Variants in CCDC102B observed in about 807,000 individuals in gnomAD.
CCDC102B encodes the protein coiled-coil domain-containing protein 102B.
A neutral mutation model predicts 57.4 loss-of-function variants in CCDC102B; 75 were observed. The observed-to-expected ratio is 1.31, with a 90% CI of 1.08 to 1.58. The LOEUF (loss-of-function observed/expected upper bound fraction) is 1.58. Among genes scored for constraint, CCDC102B ranks in the 40% most tolerant of loss-of-function variants. The probability of loss-of-function intolerance (pLI) is 0.00; values close to 1 mark genes in which losing one functional copy is unlikely to be tolerated. For missense variants in CCDC102B, 636 were observed against 582.6 expected (o/e 1.09, Z -0.94); for synonymous variants, 206 against 201.9 (o/e 1.02, Z -0.17).
At chr18:68,873,836 CAATACAACAAAACAT>C (rs2039328762) in intron 4 of CCDC102B, among the ~76,000 whole-genome samples, 1 of 97,588 alleles carries the variant, frequency 1.0e-5, no homozygotes, top group South Asian at 3.8e-4. Context: ...AAATATATGT[CAATACAACAAAACAT>C]AGCTTAAAAT....
chr18:68,805,275 A>T (rs568421459), intron 1 of CCDC102B, among the ~76,000 whole-genome samples: 3 of 152,228 alleles, frequency 2.0e-5, no homozygotes, highest in Non-Finnish European at 4.4e-5. Flanking sequence ...TGATTTAATC[A>T]GGGAAAAATA....
At chr18:68,986,442 A>G (rs1156940659) in intron 6 of CCDC102B, among the ~76,000 whole-genome samples, 2 of 152,220 alleles carry the variant, frequency 1.3e-5, no homozygotes, top group African/African-American at 4.8e-5. Flanking sequence ...AGAATCCAAC[A>G]TCCTTTCATG....
chr18:68,759,700 G>A (rs1236011757), intron 2 of CCDC102B, among the ~76,000 whole-genome samples: 1 of 152,046 alleles, frequency 6.6e-6, no homozygotes, highest in Non-Finnish European at 1.5e-5. Flanking sequence ...TCTATCGAAT[G>A]TAGATTTTTG....
intron 1 of CCDC102B, among the ~76,000 whole-genome samples, chr18:68,832,749 G>A (rs1378425313): frequency 1.4e-5 from 2 of 145,474 alleles, no homozygotes; most frequent in African/African-American, 5.1e-5. Context: ...CTACCTGAAG[G>A]ATGAGAAGCC....
intron 5 of CCDC102B, among the ~76,000 whole-genome samples, chr18:68,890,023 T>C (rs1273841053): frequency 1.3e-5 from 2 of 152,178 alleles, no homozygotes; most frequent in African/African-American, 4.8e-5. Context: ...ACTGGAGATA[T>C]TAGGATGCTG....
At chr18:68,798,011 C>T (rs2035692705), upstream of CCDC102B, 1 of 152,042 alleles carries the variant, frequency 6.6e-6, no homozygotes, top group African/African-American at 2.4e-5. Flanking sequence ...AATAAAACTT[C>T]ACAACCAATG....
intron 4 of CCDC102B, among the ~76,000 whole-genome samples, chr18:68,855,110 G>C (rs1424279986): frequency 6.6e-6 from 1 of 152,150 alleles, no homozygotes; most frequent in African/African-American, 2.4e-5. Flanking sequence ...ATAAGAAACA[G>C]TGTTTCCAAG....
intron 2 of CCDC102B, among the ~76,000 whole-genome samples, chr18:68,752,670 A>G (rs973107485): frequency 1.3e-4 from 20 of 152,180 alleles, no homozygotes; most frequent in African/African-American, 3.9e-4. Context: ...TTATGATTAT[A>G]AGATTTATTC....
At chr18:68,822,374 A>G (rs2036724843) in intron 1 of CCDC102B, among the ~76,000 whole-genome samples, 1 of 150,460 alleles carries the variant, frequency 6.6e-6, no homozygotes, top group South Asian at 2.1e-4. Flanking sequence ...AGCCTGGGCA[A>G]CATAGCGAGA....
intron 4 of CCDC102B, among the ~76,000 whole-genome samples, chr18:68,864,874 T>C (rs1180832205): frequency 6.6e-6 from 1 of 152,036 alleles, no homozygotes; most frequent in Non-Finnish European, 1.5e-5. Context: ...TTTCCAAATA[T>C]TCCTTGTTCT....
At chr18:68,971,114 T>C (rs1034676711) in intron 6 of CCDC102B, among the ~76,000 whole-genome samples, 3 of 152,050 alleles carry the variant, frequency 2.0e-5, no homozygotes, top group Non-Finnish European at 2.9e-5. Context: ...CATATTAAAA[T>C]ACCTTTTATC....
chr18:68,778,019 G>C (rs762424754), intron 2 of CCDC102B, among the ~76,000 whole-genome samples: 5 of 152,092 alleles, frequency 3.3e-5, no homozygotes, highest in African/African-American at 4.8e-5. Flanking sequence ...TGATCCATAA[G>C]TTTAACAAGT....
intron 4 of CCDC102B, among the ~76,000 whole-genome samples, chr18:68,872,691 C>A (rs1409468702): frequency 6.6e-6 from 1 of 151,932 alleles, no homozygotes; most frequent in Non-Finnish European, 1.5e-5. Flanking sequence ...CTCCATGTGG[C>A]CTCCCTTTTC....
chr18:68,987,740 G>C (rs2050760212), intron 6 of CCDC102B, among the ~76,000 whole-genome samples: 1 of 151,832 alleles, frequency 6.6e-6, no homozygotes, highest in African/African-American at 2.4e-5. Context: ...CAAAAGACAT[G>C]AACAGACACT....
chr18:68,785,146 A>G (rs1366154285), intron 2 of CCDC102B, among the ~76,000 whole-genome samples: 1 of 151,990 alleles, frequency 6.6e-6, no homozygotes, highest in African/African-American at 2.4e-5. Context: ...GTCCCTACAA[A>G]GGACATGAAC....
chr18:68,744,200 G>T (rs1159802668), intron 2 of CCDC102B, among the ~76,000 whole-genome samples: 1 of 152,104 alleles, frequency 6.6e-6, no homozygotes, highest in East Asian at 1.9e-4. Flanking sequence ...ATTCTTAACT[G>T]GACACAGTTT....
chr18:68,953,642 T>C (rs1046769044), intron 6 of CCDC102B, among the ~76,000 whole-genome samples: 12 of 152,086 alleles, frequency 7.9e-5, no homozygotes, highest in Admixed American at 1.3e-4. Context: ...AGATAAATAA[T>C]TTCTAGATAT....
At position 68,956,416 on chromosome 18, in the gene CCDC102B, TTA is replaced by T. The variant is rs1484516972; in HGVS notation, c.1264-54510_1264-54509del. 4.1e-4 allele frequency among the ~76,000 whole-genome samples: 28 copies of T among 68,368 alleles called. 3 individuals carry two copies. The highest frequency in any genetic ancestry group is 7.0e-4 in the African/African-American group (9 of 12,812). The allele number at this position is 68,368 out of a possible 152,430, so 44.9% of individuals were successfully genotyped here. Reference sequence around the variant, plus strand: ...TATATATAAATATATTTTATATATATTATATATATTATACATTTTATATATAT... The same window carrying T: ...TATATATAAATATATTTTATATATATTATATATTATACATTTTATATATAT... On this transcript the variant is annotated intron_variant, in intron 6 of 7. Coordinates refer to ENST00000360242, the MANE Select transcript of CCDC102B (RefSeq NM_024781.3).
At position 68,776,747 on chromosome 18, in the gene CCDC102B, C is replaced by CA. The variant is rs369226063; in HGVS notation, c.-66-46610dup. ...TACCTGAGTAATGAAATAATCTGTA[C>CA]AAAAAAAAACCCTATGACACAAGTT... is the stretch of plus-strand genomic sequence containing the variant. On this transcript the variant is annotated intron_variant, in intron 2 of 3. Transcript: ENST00000578970. 2.2e-4 allele frequency among the ~76,000 whole-genome samples: 33 copies of CA among 149,810 alleles called. 1 individual carries two copies. Among genetic ancestry groups the CA allele is most frequent in the South Asian group, 1.7e-3 (8 of 4,718 alleles).
Sources: allele counts gnomAD v4.1 joint callset (sites outside exome capture counted in the v4.1 genomes callset), GRCh38; gene constraint gnomAD v4.1.1; transcripts MANE v1.5; gene names NCBI Gene and HGNC (gene_info 2026-07-23, HGNC 2026-07-21).